Variants in DNAJC13 observed in about 807,000 individuals in gnomAD.
The protein encoded by DNAJC13 is dnaJ homolog subfamily C member 13.
A neutral mutation model predicts 290.5 loss-of-function variants in DNAJC13; 75 were observed. The ratio of observed to expected loss-of-function variants is 0.26; its 90% CI spans 0.21 to 0.31. The LOEUF (loss-of-function observed/expected upper bound fraction) is 0.31, where lower values mean the gene tolerates loss of function less well. Ranked by LOEUF, DNAJC13 falls within the 10% of genes least tolerant of loss-of-function variation. DNAJC13 has a pLI of 1.00. For synonymous variants in DNAJC13, 862 were observed against 892.0 expected (o/e 0.97, Z 0.60); for missense variants, 2,260 against 2,674.5 (o/e 0.85, Z 3.42).
intron 46 of DNAJC13, 57 bp from the exon 47 acceptor site, chr3:132,516,365 C>T: frequency 6.5e-7 from 1 of 1,538,264 alleles, no homozygotes; most frequent in East Asian, 2.3e-5. Context: ...GAGCTGGTGC[C>T]AAGTAAATAT....
chr3:132,494,171 G>A lies in DNAJC13; in HGVS notation c.3853G>A (p.Ala1285Thr). Residue 1285 changes from alanine (A) to threonine (T), a missense_variant, in exon 34 of 56, where the codon GCC becomes ACC. Coordinates refer to ENST00000260818, the MANE Select transcript of DNAJC13 (RefSeq NM_015268.4). The stretch of plus-strand genomic sequence containing the variant: ...TAAGCTTCTAAAAGATACCCTTGAT[G>A]CCTGGAAGAAAGAAGTAGAAAAGAA... ...PVKLLKDTLD[A>T]WKKEVEKKPP... 3 of 1,612,388 alleles carry A rather than the reference G, an allele frequency of 1.9e-6. No individual in the cohort carries two copies. The highest frequency in any genetic ancestry group is 2.5e-6 in the Non-Finnish European group (3 of 1,179,280).
intron 31 of DNAJC13, among the ~76,000 whole-genome samples, chr3:132,490,073 C>G (rs1035744223): frequency 5.3e-5 from 8 of 152,286 alleles, no homozygotes; most frequent in African/African-American, 1.7e-4. Context: ...AAGAATACAA[C>G]TAGCAATTCT....
chr3:132,463,952 C>T, intron 17 of DNAJC13, 135 bp downstream of exon 17: 2 of 1,039,002 alleles, frequency 1.9e-6, no homozygotes, highest in Non-Finnish European at 2.6e-6. Context: ...CTTTTCCTTT[C>T]CTTACAGAAG....
At chr3:132,532,183 A>G (rs905658295) in intron 55 of DNAJC13, among the ~76,000 whole-genome samples, 3 of 152,156 alleles carry the variant, frequency 2.0e-5, no homozygotes, top group African/African-American at 7.2e-5. Flanking sequence ...AAGATGATAA[A>G]CTAAGAGAAA....
At chr3:132,499,873 CT>C in intron 38 of DNAJC13, 65 bp downstream of exon 38, 1 of 1,440,088 alleles carries the variant, frequency 6.9e-7, no homozygotes, top group Non-Finnish European at 9.7e-7. Context: ...TTTAACATAT[CT>C]GAGAATCAAC....
intron 2 of DNAJC13, among the ~76,000 whole-genome samples, chr3:132,436,854 C>T (rs536977547): frequency 2.7e-5 from 4 of 150,296 alleles, no homozygotes; most frequent in Admixed American, 2.7e-4. Context: ...CATTTATTCA[C>T]TGTAACTAAA....
In DNAJC13 at chr3:132,489,073, A is replaced by C; in HGVS notation, c.3468+52A>C. On this transcript the variant is annotated intron_variant, in intron 31 of 55. Transcript: ENST00000260818. ...TTAACCCTGGGTAAGCTGTTTTGGC[A>C]CTATAAAGTTTCCTGAGCTGTGTAT... 2 of 1,463,802 alleles carry C rather than the reference A, an allele frequency of 1.4e-6. 1 individual carries two copies. Among genetic ancestry groups the C allele is most frequent in the South Asian group, 2.3e-5 (2 of 86,224 alleles). The allele number at this position is 1,463,802 out of a possible 1,614,324, so 90.7% of individuals were successfully genotyped here.
At chr3:132,492,347 A>T in intron 32 of DNAJC13, 67 bp from the exon 33 acceptor site, 2 of 1,464,484 alleles carry the variant, frequency 1.4e-6, no homozygotes, top group Non-Finnish European at 1.9e-6. Flanking sequence ...TTACATGATT[A>T]TGTATCTCAA....
In DNAJC13 at chr3:132,488,981, T is replaced by A; in HGVS notation, c.3428T>A (p.Leu1143Ter). The change falls in exon 31 of 56, where the codon TTG becomes TAG. Residue 1143 changes from leucine (L) to a stop codon, truncating the protein, a stop_gained. Transcript: ENST00000260818. LOFTEE classifies it high-confidence loss of function. ...GSNVLPVARF[L>*]KYTHTKQAFK... is the part of the protein sequence containing the mutation. Reference sequence around the variant, plus strand: ...TAATTCATTTTTCTTTCTAGATTTTTGAAATACACACATACCAAACAGGCT... The same window carrying A: ...TAATTCATTTTTCTTTCTAGATTTTAGAAATACACACATACCAAACAGGCT... 1 of 1,607,372 alleles carries A rather than the reference T, an allele frequency of 6.2e-7. No homozygotes were observed. The highest frequency in any genetic ancestry group is 8.5e-7 in the Non-Finnish European group (1 of 1,174,636).
chr3:132,481,304 C>G (rs1362204068), intron 26 of DNAJC13, among the ~76,000 whole-genome samples: 1 of 152,140 alleles, frequency 6.6e-6, no homozygotes, highest in African/African-American at 2.4e-5. Flanking sequence ...AGAAAAAGAA[C>G]AGGCCAGGCA....
At chr3:132,467,116 T>C in intron 19 of DNAJC13, 54 bp from the exon 20 acceptor site, 1 of 1,562,882 alleles carries the variant, frequency 6.4e-7, no homozygotes, top group Non-Finnish European at 8.7e-7. Flanking sequence ...TTACATAGAG[T>C]TTTAAAATAA....
chr3:132,488,174 C>T (rs888360519), intron 29 of DNAJC13, 124 bp from the exon 30 acceptor site: 2 of 776,866 alleles, frequency 2.6e-6, no homozygotes, highest in Non-Finnish European at 3.8e-6. Context: ...AGCTTACTGA[C>T]TCCCATGGGT....
At chr3:132,440,989 C>A (rs577732838) in intron 2 of DNAJC13, among the ~76,000 whole-genome samples, 1 of 152,272 alleles carries the variant, frequency 6.6e-6, no homozygotes, top group East Asian at 1.9e-4. Context: ...GGTCAGTTAT[C>A]CTTAATTTCA....
chr3:132,487,314 T>C (rs1934909986), intron 29 of DNAJC13, among the ~76,000 whole-genome samples: 1 of 152,112 alleles, frequency 6.6e-6, no homozygotes, highest in South Asian at 2.1e-4. Flanking sequence ...TGGAGTGCAG[T>C]GGCTCAATCT....
At chr3:132,533,333 C>CTT (rs1180651951) in intron 55 of DNAJC13, among the ~76,000 whole-genome samples, 19,122 of 115,594 alleles carry the variant, frequency 0.17, 2,171 homozygotes, top group South Asian at 0.25. Context: ...TGCCCGCCCT[C>CTT]TTTTTTTTTT....
At chr3:132,425,858 A>G (rs933415227) in intron 1 of DNAJC13, among the ~76,000 whole-genome samples, 5 of 152,104 alleles carry the variant, frequency 3.3e-5, no homozygotes, top group Non-Finnish European at 7.4e-5. Flanking sequence ...CTGTGTGTGT[A>G]AATTTTTTTG....
intron 43 of DNAJC13, among the ~76,000 whole-genome samples, chr3:132,509,169 CT>C (rs1383777220): frequency 6.6e-6 from 1 of 152,208 alleles, no homozygotes; most frequent in Non-Finnish European, 1.5e-5. Flanking sequence ...ATTCACCTTT[CT>C]AGATGCGTAA....
chr3:132,502,839 A>G (rs1314314926), intron 40 of DNAJC13, among the ~76,000 whole-genome samples: 1 of 152,150 alleles, frequency 6.6e-6, no homozygotes, highest in African/African-American at 2.4e-5. Flanking sequence ...ATTTTTATAG[A>G]TATTTTTCTG....
intron 21 of DNAJC13, among the ~76,000 whole-genome samples, chr3:132,473,632 C>G (rs1344530204): frequency 6.6e-6 from 1 of 151,986 alleles, no homozygotes; most frequent in Non-Finnish European, 1.5e-5. Flanking sequence ...GTGGTAACCT[C>G]TTCCCTCTTT....
Sources: allele counts gnomAD v4.1 joint callset (sites outside exome capture counted in the v4.1 genomes callset), GRCh38; gene constraint gnomAD v4.1.1; transcripts MANE v1.5; gene names NCBI Gene and HGNC (gene_info 2026-07-23, HGNC 2026-07-21).